The following GBF1 variants were observed in gnomAD, a reference collection of about 807,000 sequenced individuals.
The protein encoded by GBF1 is Golgi-specific brefeldin A-resistance guanine nucleotide exchange factor 1.
A neutral mutation model predicts 210.5 loss-of-function variants in GBF1; 114 were observed. The ratio of observed to expected loss-of-function variants is 0.54; its 90% confidence interval spans 0.47 to 0.63. The LOEUF is 0.63. Among genes scored for constraint, GBF1 ranks in the 30% least tolerant of loss-of-function variants. The probability of loss-of-function intolerance (pLI) is 0.00; values close to 1 mark genes in which losing one functional copy is unlikely to be tolerated. For missense variants in GBF1, 1,851 were observed against 2,357.7 expected, an observed-to-expected ratio of 0.79 and a Z score of 4.45; for synonymous variants, 850 against 889.2, an observed-to-expected ratio of 0.96 and a Z score of 0.78.
intron 3 of GBF1, among the ~76,000 whole-genome samples, chr10:102,286,859 C>T (rs1024996512): frequency 1.5e-5 from 2 of 133,672 alleles, no homozygotes; most frequent in Admixed American, 7.8e-5. Context: ...TGATGTGAGA[C>T]GACACCCTTA....
chr10:102,271,511 C>T (rs573243261), intron 3 of GBF1, among the ~76,000 whole-genome samples: 12 of 145,862 alleles, frequency 8.2e-5, no homozygotes, highest in African/African-American at 3.0e-4. Flanking sequence ...CAATTTTCTC[C>T]ACCTTTTTTT....
intron 3 of GBF1, among the ~76,000 whole-genome samples, chr10:102,334,433 G>A (rs146020568): frequency 5.4e-4 from 83 of 152,310 alleles, no homozygotes; most frequent in Admixed American, 2.8e-3. Context: ...GATGGTGGCT[G>A]TTCCCTTGTA....
At position 102,365,528 on chromosome 10, in the gene GBF1, G is replaced by C. The variant is rs1236093321; in HGVS notation, c.2238G>C (p.Arg746=). 6 of 1,614,086 alleles carry C rather than the reference G, an allele frequency of 3.7e-6. No homozygotes were observed. The African/African-American group carries it at 8.0e-5, about 22-fold the overall frequency. ...CTCAGTGGCTCCGAGAGAACCCTCGGCTGGACAAGAAGATGATTGGAGAGT... is the reference window on the plus strand; with the variant it reads ...CTCAGTGGCTCCGAGAGAACCCTCGCCTGGACAAGAAGATGATTGGAGAGT... ...EVAQWLRENP[R]LDKKMIGEFV... The change falls in exon 18 of 40, where the codon CGG becomes CGC. Residue 746 remains arginine, a synonymous_variant. Transcript: ENST00000369983.
intron 39 of GBF1, 30 bp downstream of exon 39, chr10:102,381,285 A>T: frequency 6.2e-7 from 1 of 1,608,516 alleles, no homozygotes; most frequent in Non-Finnish European, 8.5e-7. Flanking sequence ...CCTGATAGGC[A>T]CTGAGTAGCA....
At chr10:102,279,007 A>G (rs781199016) in intron 3 of GBF1, among the ~76,000 whole-genome samples, 28 of 152,222 alleles carry the variant, frequency 1.8e-4, no homozygotes, top group Admixed American at 9.2e-4. Flanking sequence ...TACCTAACAT[A>G]CATTGATAAT....
At chr10:102,286,271 T>C (rs2075947472) in intron 3 of GBF1, among the ~76,000 whole-genome samples, 1 of 151,948 alleles carries the variant, frequency 6.6e-6, no homozygotes, top group Non-Finnish European at 1.5e-5. Flanking sequence ...GGTTGAGTTG[T>C]AACATTCATT....
chr10:102,330,136 AAAAC>A (rs747025533), intron 3 of GBF1, among the ~76,000 whole-genome samples: 91 of 152,106 alleles, frequency 6.0e-4, no homozygotes, highest in Non-Finnish European at 1.0e-3. Flanking sequence ...ACTCTGTCTC[AAAAC>A]AAACAAACAA....
chr10:102,303,805 G>T (rs575917417), intron 3 of GBF1, among the ~76,000 whole-genome samples: 2 of 152,204 alleles, frequency 1.3e-5, no homozygotes, highest in African/African-American at 2.4e-5. Context: ...TACCCTCTCA[G>T]TACTTACTTT....
At chr10:102,259,732 A>G (rs75857566) in intron 2 of GBF1, among the ~76,000 whole-genome samples, 2,427 of 152,326 alleles carry the variant, frequency 0.016, 32 homozygotes, top group Non-Finnish European at 0.024. Flanking sequence ...GTATGATGAC[A>G]TAGTGGGTAT....
intron 33 of GBF1, among the ~76,000 whole-genome samples, chr10:102,377,852 T>C (rs551067441): frequency 2.0e-5 from 3 of 152,330 alleles, no homozygotes; most frequent in African/African-American, 7.2e-5. Context: ...GCATATAAAA[T>C]TAATTATGTG....
At chr10:102,352,590 G>A (rs1231504855) in intron 7 of GBF1, 72 bp downstream of exon 7, 11 of 1,058,980 alleles carry the variant, frequency 1.0e-5, no homozygotes, top group East Asian at 4.7e-5. Flanking sequence ...ACACAGCCAC[G>A]TCAGGGACCT....
intron 3 of GBF1, among the ~76,000 whole-genome samples, chr10:102,301,829 C>G: frequency 6.6e-6 from 1 of 151,850 alleles, no homozygotes; most frequent in Non-Finnish European, 1.5e-5. Flanking sequence ...GATGGGCGGC[C>G]AGGCAGAGAC....
At chr10:102,267,469 A>G (rs1166314255) in intron 3 of GBF1, among the ~76,000 whole-genome samples, 2 of 152,058 alleles carry the variant, frequency 1.3e-5, no homozygotes, top group Non-Finnish European at 2.9e-5. Flanking sequence ...GTGCCACTGC[A>G]CTCCAGCCTG....
chr10:102,351,086 CAA>C (rs531631806), intron 4 of GBF1, among the ~76,000 whole-genome samples, 168 bp from the exon 5 acceptor site: 32 of 81,258 alleles, frequency 3.9e-4, no homozygotes, highest in Non-Finnish European at 3.7e-4. Context: ...GACTCTGTCT[CAA>C]AAAAAAAAAA....
At chr10:102,324,480 C>G (rs1275370426) in intron 3 of GBF1, among the ~76,000 whole-genome samples, 4 of 152,164 alleles carry the variant, frequency 2.6e-5, no homozygotes, top group Non-Finnish European at 5.9e-5. Context: ...TTACTTCTTG[C>G]TAAATGATTG....
chr10:102,288,406 G>A (rs2076137051), intron 3 of GBF1, among the ~76,000 whole-genome samples: 1 of 152,144 alleles, frequency 6.6e-6, no homozygotes, highest in Admixed American at 6.5e-5. Context: ...CTAATGCTCG[G>A]GAGTGATTTA....
rs368983947 is a variant in GBF1, at chr10:102,358,711, C to T, written c.993C>T (p.Pro331=). The change falls in exon 10 of 40, where the codon CCC becomes CCT. Residue 331 remains proline (P), a synonymous_variant. Transcript: ENST00000369983. ...CTGGAAGCAGTGAGCTAGGTGTTCC[C>T]GAGCAGCCTGACCTCCAGGTATGGC... ...TEPGSSELGV[P]EQPDLQQEGT... 3.0e-5 allele frequency: 48 copies of T among 1,612,460 alleles called. No individual in the cohort carries two copies. Among genetic ancestry groups the T allele is most frequent in the Middle Eastern group, 3.3e-4 (2 of 6,084 alleles).
chr10:102,307,322 A>G, intron 3 of GBF1, among the ~76,000 whole-genome samples: 1 of 152,158 alleles, frequency 6.6e-6, no homozygotes, highest in Admixed American at 6.6e-5. Flanking sequence ...TTTAAAAATT[A>G]GAATATGAGC....
chr10:102,377,459 T>C (rs1279885142), intron 33 of GBF1, among the ~76,000 whole-genome samples: 1 of 152,122 alleles, frequency 6.6e-6, no homozygotes, highest in East Asian at 1.9e-4. Context: ...GTTCAAGCGA[T>C]TCTCCTGCCT....
Sources: allele counts gnomAD v4.1 joint callset (sites outside exome capture counted in the v4.1 genomes callset), GRCh38; gene constraint gnomAD v4.1.1; transcripts MANE v1.5; gene names NCBI Gene and HGNC (gene_info 2026-07-23, HGNC 2026-07-21).